RBFOX1: variants seen among roughly 807,000 people sequenced by gnomAD.
RBFOX1 encodes the protein RNA binding fox-1 homolog 1.
Under a neutral mutation model 57.7 loss-of-function variants are expected in RBFOX1, and 8 were observed. That is an observed-to-expected ratio of 0.14 (90% CI 0.08 to 0.25). RBFOX1 has a LOEUF of 0.25. RBFOX1 is among the 10% of genes least tolerant of loss of function. The pLI is 1.00. For synonymous variants in RBFOX1, 326 were observed against 222.4 expected, an observed-to-expected ratio of 1.47 and a Z score of -4.15; for missense variants, 611 against 548.5, an observed-to-expected ratio of 1.11 and a Z score of -1.14.
intron 4 of RBFOX1, among the ~76,000 whole-genome samples, chr16:7,130,635 T>A (rs1384088000): frequency 6.6e-6 from 1 of 152,200 alleles, no homozygotes; most frequent in Non-Finnish European, 1.5e-5. Context: ...GTAGGTTTTA[T>A]AGCCAATGAC....
intron 1 of RBFOX1, among the ~76,000 whole-genome samples, chr16:5,423,037 G>C (rs1333573499): frequency 8.5e-6 from 1 of 117,852 alleles, no homozygotes; most frequent in Non-Finnish European, 1.8e-5. Flanking sequence ...AGGGGAGGGA[G>C]GAGTGGGGAG....
At chr16:6,435,004 A>G (rs1001739888) in intron 2 of RBFOX1, among the ~76,000 whole-genome samples, 1 of 152,208 alleles carries the variant, frequency 6.6e-6, no homozygotes, top group African/African-American at 2.4e-5. Flanking sequence ...CATTCTTTGG[A>G]TAAATTGATG....
chr16:7,272,031 C>G (rs543364266), intron 4 of RBFOX1, among the ~76,000 whole-genome samples: 4 of 152,254 alleles, frequency 2.6e-5, no homozygotes, highest in African/African-American at 9.6e-5. Flanking sequence ...TAGAGAATAC[C>G]ACTTTGCAGA....
At chr16:6,430,043 G>A (rs796107456) in intron 2 of RBFOX1, among the ~76,000 whole-genome samples, 22 of 152,176 alleles carry the variant, frequency 1.4e-4, no homozygotes, top group African/African-American at 5.3e-4. Context: ...AGGTGGTGGA[G>A]GTTGTAGTGA....
chr16:5,541,394 G>A (rs1167133588), intron 2 of RBFOX1, among the ~76,000 whole-genome samples: 1 of 152,044 alleles, frequency 6.6e-6, no homozygotes, highest in African/African-American at 2.4e-5. Context: ...GGTAGTCGGG[G>A]CACAGCCTGG....
intron 1 of RBFOX1, among the ~76,000 whole-genome samples, chr16:6,204,998 C>G (rs557305342): frequency 3.3e-5 from 5 of 152,098 alleles, no homozygotes; most frequent in Non-Finnish European, 5.9e-5. Flanking sequence ...TTGCTTTGCC[C>G]TTTTTTAAAT....
chr16:5,855,835 A>T (rs993921352), intron 3 of RBFOX1, among the ~76,000 whole-genome samples: 1 of 151,932 alleles, frequency 6.6e-6, no homozygotes, highest in African/African-American at 2.4e-5. Context: ...AACAATATTT[A>T]TTAATCCTAT....
chr16:6,752,137 C>T (rs2075044881), intron 3 of RBFOX1, among the ~76,000 whole-genome samples: 1 of 152,162 alleles, frequency 6.6e-6, no homozygotes, highest in Admixed American at 6.6e-5. Flanking sequence ...GAGTGTTTTG[C>T]ATTCCATTAG....
intron 4 of RBFOX1, among the ~76,000 whole-genome samples, chr16:7,302,450 G>T (rs1241671866): frequency 1.3e-5 from 2 of 152,036 alleles, no homozygotes; most frequent in African/African-American, 4.8e-5. Context: ...GGGATATTTG[G>T]GATGTCCCTG....
intron 1 of RBFOX1, among the ~76,000 whole-genome samples, chr16:5,298,354 G>T (rs1335285182): frequency 6.6e-6 from 1 of 152,084 alleles, no homozygotes; most frequent in Admixed American, 6.5e-5. Context: ...TAAATCTTGG[G>T]AGAGTGTTGG....
intron 1 of RBFOX1, among the ~76,000 whole-genome samples, chr16:5,423,713 C>G (rs547749287): frequency 1.3e-5 from 2 of 152,156 alleles, no homozygotes; most frequent in Non-Finnish European, 2.9e-5. Context: ...CTTCCATTGA[C>G]GATTGTACCT....
At chr16:5,964,937 C>G (rs1017869866) in intron 4 of RBFOX1, among the ~76,000 whole-genome samples, 2 of 152,016 alleles carry the variant, frequency 1.3e-5, no homozygotes, top group African/African-American at 4.8e-5. Context: ...TGCGTATACA[C>G]AATGAAATTA....
chr16:6,636,440 G>T, intron 2 of RBFOX1, among the ~76,000 whole-genome samples: 1 of 152,086 alleles, frequency 6.6e-6, no homozygotes, highest in East Asian at 1.9e-4. Context: ...AAAGTGCTGG[G>T]ATTACAGGCG....
In RBFOX1 at chr16:7,166,972, CTTTTTTTTTTTTTTTTTT is replaced by C. The variant is rs537293692; in HGVS notation, c.27+114892_27+114909del. Among the ~76,000 whole-genome samples, 45 of 49,114 alleles carry C rather than the reference CTTTTTTTTTTTTTTTTTT, an allele frequency of 9.2e-4. 1 individual carries two copies. The highest frequency in any genetic ancestry group is 1.7e-3 in the Admixed American group (6 of 3,590). 32.2% of individuals were successfully genotyped at this position (49,114 alleles called of 152,430 possible). A position where few individuals can be genotyped will look rare whatever the true frequency, so the allele number is the denominator to read the frequency against. ...AGCCCCAGATTGCTGCATTGGTGTT[CTTTTTTTTTTTTTTTTTT>C]TTTTTTTTTTTTTTTTTGACAGTTT... On this transcript the variant is annotated intron_variant, in intron 4 of 15. Coordinates refer to ENST00000550418, the MANE Select transcript of RBFOX1 (RefSeq NM_018723.4).
At chr16:7,366,260 T>C (rs944113605) in intron 4 of RBFOX1, among the ~76,000 whole-genome samples, 1 of 152,236 alleles carries the variant, frequency 6.6e-6, no homozygotes, top group Admixed American at 6.5e-5. Context: ...GTAAATCCGA[T>C]GTTGTTTCCA....
At chr16:6,884,780 C>A (rs184369335) in intron 3 of RBFOX1, among the ~76,000 whole-genome samples, 1 of 152,050 alleles carries the variant, frequency 6.6e-6, no homozygotes, top group African/African-American at 2.4e-5. Flanking sequence ...TACCTGCAGT[C>A]CCAGCTACTT....
chr16:6,049,955 C>T (rs1367590518), intron 1 of RBFOX1, among the ~76,000 whole-genome samples: 5 of 125,072 alleles, frequency 4.0e-5, no homozygotes, highest in Non-Finnish European at 7.1e-5. Flanking sequence ...AAGCTTAAAA[C>T]GTTTTTTTTT....
chr16:7,348,236 C>A (rs73565807), intron 4 of RBFOX1, among the ~76,000 whole-genome samples: 29,957 of 152,098 alleles, frequency 0.2, 4,747 homozygotes, highest in African/African-American at 0.44. Context: ...CCCAAAAATG[C>A]CTACTACAAA....
chr16:6,480,282 A>G (rs974086686), intron 2 of RBFOX1, among the ~76,000 whole-genome samples: 1 of 152,220 alleles, frequency 6.6e-6, no homozygotes, highest in Non-Finnish European at 1.5e-5. Flanking sequence ...AAAACAAGTT[A>G]TATGTATACA....
Sources: allele counts gnomAD v4.1 joint callset (sites outside exome capture counted in the v4.1 genomes callset), GRCh38; gene constraint gnomAD v4.1.1; transcripts MANE v1.5; gene names NCBI Gene and HGNC (gene_info 2026-07-23, HGNC 2026-07-21).